The following PALS1 variants were observed in gnomAD, a reference collection of about 807,000 sequenced individuals.
PALS1 encodes the protein protein associated with LIN7 1, MAGUK p55 family member, also known as protein PALS1.
A neutral mutation model predicts 78.9 loss-of-function variants in PALS1; 31 were observed. The ratio of observed to expected loss-of-function variants is 0.39; its 90% CI spans 0.30 to 0.53. The LOEUF (loss-of-function observed/expected upper bound fraction) is 0.53, where lower values mean the gene tolerates loss of function less well. Among genes scored for constraint, PALS1 ranks in the 20% least tolerant of loss-of-function variants. PALS1 has a pLI of 0.67. For missense variants in PALS1, 704 were observed against 826.5 expected (o/e 0.85, Z 1.82); for synonymous variants, 276 against 270.9 (o/e 1.02, Z -0.18).
intron 1 of PALS1, among the ~76,000 whole-genome samples, chr14:67,251,818 A>G (rs1567500285): frequency 1.3e-5 from 2 of 152,178 alleles, no homozygotes; most frequent in African/African-American, 4.8e-5. Flanking sequence ...GCAGGCCCCT[A>G]TAATAGCTTC....
intron 11 of PALS1, among the ~76,000 whole-genome samples, chr14:67,318,994 CT>C (rs1445592093): frequency 2.0e-5 from 3 of 151,254 alleles, no homozygotes; most frequent in African/African-American, 7.3e-5. Flanking sequence ...GGAGGCGGAG[CT>C]TGCAGTGAGC....
At chr14:67,261,168 A>C (rs2084230258) in intron 1 of PALS1, among the ~76,000 whole-genome samples, 1 of 152,218 alleles carries the variant, frequency 6.6e-6, no homozygotes. Flanking sequence ...TAGCTTAAAG[A>C]AAAGACAATA....
chr14:67,254,681 G>T (rs1284752953), intron 1 of PALS1, among the ~76,000 whole-genome samples: 1 of 152,112 alleles, frequency 6.6e-6, no homozygotes, highest in Non-Finnish European at 1.5e-5. Flanking sequence ...ACTCTGAAAT[G>T]GTTATTTGGT....
chr14:67,318,827 G>C (rs576054507), intron 11 of PALS1, among the ~76,000 whole-genome samples: 15 of 152,238 alleles, frequency 9.9e-5, no homozygotes, highest in Admixed American at 7.8e-4. Flanking sequence ...GGAGGCCGAG[G>C]CAGGCGGATC....
chr14:67,288,494 C>G (rs1193614075), intron 3 of PALS1, among the ~76,000 whole-genome samples: 1 of 152,286 alleles, frequency 6.6e-6, no homozygotes, highest in South Asian at 2.1e-4. Context: ...GAGTTATAGA[C>G]TCCATCTTTA....
intron 6 of PALS1, 94 bp downstream of exon 6, chr14:67,302,212 G>A (rs950074600): frequency 6.0e-6 from 8 of 1,343,186 alleles, no homozygotes; most frequent in Non-Finnish European, 7.9e-6. Flanking sequence ...AATGAATAGA[G>A]TATTTCTGAA....
intron 4 of PALS1, among the ~76,000 whole-genome samples, chr14:67,298,018 G>A (rs12586552): frequency 0.15 from 23,493 of 152,054 alleles, 3,427 homozygotes; most frequent in East Asian, 0.42. Context: ...AGCATGGTTT[G>A]TGCAGGGAAC....
chr14:67,284,340 G>T (rs181759125), intron 3 of PALS1, among the ~76,000 whole-genome samples: 3 of 150,208 alleles, frequency 2.0e-5, no homozygotes, highest in South Asian at 2.1e-4. Context: ...GTTCACGCCC[G>T]TATTAGTAGC....
chr14:67,295,650 A>G (rs1333513162), intron 4 of PALS1, among the ~76,000 whole-genome samples: 1 of 152,242 alleles, frequency 6.6e-6, no homozygotes. Context: ...AAATTAAAAC[A>G]TAATGAGATA....
At position 67,333,103 on chromosome 14, in the gene PALS1, A is replaced by G; in HGVS notation, c.*147A>G. On this transcript the variant is annotated 3_prime_UTR_variant, in exon 15 of 15. Coordinates refer to ENST00000261681, the MANE Select transcript of PALS1 (RefSeq NM_022474.4). ...TGTTCTTAGATCTCTTGAATTAGTG[A>G]GACGACAGTTCCCTTAGGCAGTTTG... 1.5e-6 allele frequency: 1 copy of G among 651,510 alleles called. No individual in the cohort carries two copies. The highest frequency in any genetic ancestry group is 2.5e-6 in the Non-Finnish European group (1 of 397,468). 40.4% of individuals were successfully genotyped at this position (651,510 alleles called of 1,614,324 possible).
intron 14 of PALS1, 108 bp downstream of exon 14, chr14:67,323,920 G>T (rs1359182548): frequency 3.2e-6 from 2 of 621,598 alleles, no homozygotes; most frequent in Middle Eastern, 2.6e-4. Flanking sequence ...CTTTCAAACT[G>T]ATTATTTTTT....
rs545700582 is a variant in PALS1 at position 67,276,231 on chromosome 14, C to T, written c.-153-2787C>T. Among the ~76,000 whole-genome samples the T allele has an allele frequency of 9.2e-5, 14 of 152,216 alleles. No homozygotes were observed. In the South Asian group the frequency reaches 2.7e-3, roughly 29 times the overall value. On this transcript the variant is annotated intron_variant, in intron 2 of 14. Coordinates refer to ENST00000261681, the MANE Select transcript of PALS1 (RefSeq NM_022474.4). Reference sequence around the variant, plus strand: ...TCTAAAACTCTTCTCAGTGTGGCTTCCTGCTTGTCTTTCCAGTTTTATCAT... The same window carrying T: ...TCTAAAACTCTTCTCAGTGTGGCTTTCTGCTTGTCTTTCCAGTTTTATCAT...
chr14:67,319,872 G>A (rs1049631788), intron 11 of PALS1, among the ~76,000 whole-genome samples: 14 of 152,156 alleles, frequency 9.2e-5, no homozygotes, highest in Non-Finnish European at 2.1e-4. Context: ...TTCTTAAGTA[G>A]AATATTAATA....
At chr14:67,261,337 A>G (rs1364842898) in intron 1 of PALS1, among the ~76,000 whole-genome samples, 3 of 152,152 alleles carry the variant, frequency 2.0e-5, no homozygotes, top group Non-Finnish European at 4.4e-5. Flanking sequence ...GAGATAATGT[A>G]TATTATGATT....
At chr14:67,277,811 C>T (rs2084530027) in intron 2 of PALS1, among the ~76,000 whole-genome samples, 1 of 152,072 alleles carries the variant, frequency 6.6e-6, no homozygotes, top group South Asian at 2.1e-4. Context: ...AAACTCAGAA[C>T]TGTCAATCCT....
At chr14:67,291,166 C>CA (rs1314838900) in intron 3 of PALS1, among the ~76,000 whole-genome samples, 1 of 150,246 alleles carries the variant, frequency 6.7e-6, no homozygotes, top group East Asian at 1.9e-4. Flanking sequence ...ACAAATATGA[C>CA]AGAGTATATG....
chr14:67,323,321 T>C (rs1322611810), intron 13 of PALS1, among the ~76,000 whole-genome samples: 2 of 151,188 alleles, frequency 1.3e-5, no homozygotes, highest in Admixed American at 6.6e-5. Flanking sequence ...CTTAAAAATA[T>C]TGTGAATTGG....
chr14:67,285,358 T>G (rs2084669187), intron 3 of PALS1, among the ~76,000 whole-genome samples: 1 of 150,420 alleles, frequency 6.6e-6, no homozygotes, highest in African/African-American at 2.5e-5. Flanking sequence ...TGGAGATTCC[T>G]TAGGTAAATT....
Position 67,323,766 on chromosome 14 carries a change from A to G in PALS1, c.1805A>G (p.Gln602Arg). The change falls in exon 14 of 15, where the codon CAA (glutamine) becomes CGA (arginine). Residue 602 changes from glutamine to arginine, a missense_variant. Gln to Arg is a conservative substitution (Grantham distance 43). Transcript: ENST00000261681. ...PYIIFIAPPS[Q>R]ERLRALLAKE... ...ATTATCTTCATTGCACCCCCTTCAC[A>G]AGAAAGACTTCGGGCATTATTGGCC... 1 of 1,606,004 alleles carries G rather than the reference A, an allele frequency of 6.2e-7. No homozygotes were observed. The highest frequency in any genetic ancestry group is 8.5e-7 in the Non-Finnish European group (1 of 1,176,760).
Sources: gnomAD v4.1 joint callset for allele counts (sites outside exome capture counted in the v4.1 genomes callset) on GRCh38, gnomAD v4.1.1 for gene constraint, MANE v1.5 for transcripts, NCBI Gene and HGNC (gene_info 2026-07-23, HGNC 2026-07-21) for gene names.